Variants in PACRG observed in about 807,000 individuals in gnomAD.
The protein encoded by PACRG is parkin coregulated.
A neutral mutation model predicts 29.7 loss-of-function variants in PACRG; 29 were observed. The ratio of observed to expected loss-of-function variants is 0.98; its 90% CI spans 0.73 to 1.33. The LOEUF (loss-of-function observed/expected upper bound fraction) is 1.33, where lower values mean the gene tolerates loss of function less well. PACRG is among the 40% of genes most tolerant of loss of function. The probability of loss-of-function intolerance (pLI) is 0.00; values close to 1 mark genes in which losing one functional copy is unlikely to be tolerated. For missense variants in PACRG, 279 were observed against 316.2 expected (o/e 0.88, Z 0.89); for synonymous variants, 116 against 118.7 (o/e 0.98, Z 0.15).
intron 4 of PACRG, among the ~76,000 whole-genome samples, chr6:163,124,980 A>G (rs890631151): frequency 3.3e-5 from 5 of 152,334 alleles, no homozygotes; most frequent in African/African-American, 1.2e-4. Flanking sequence ...GAATTATAAG[A>G]GAGGAAAAAA....
intron 2 of PACRG, among the ~76,000 whole-genome samples, chr6:163,010,347 T>C (rs138468089): frequency 4.6e-5 from 7 of 152,332 alleles, no homozygotes; most frequent in African/African-American, 1.7e-4. Context: ...CCAGGGAGAA[T>C]TGAGGACGTC....
chr6:163,036,944 G>C (rs1209693210), intron 2 of PACRG, among the ~76,000 whole-genome samples: 1 of 151,866 alleles, frequency 6.6e-6, no homozygotes, highest in East Asian at 1.9e-4. Flanking sequence ...CAGACCCTGA[G>C]CCATGCTAAG....
intron 4 of PACRG, among the ~76,000 whole-genome samples, chr6:163,219,840 C>T (rs532121521): frequency 3.9e-5 from 6 of 152,160 alleles, no homozygotes; most frequent in South Asian, 2.1e-4. Context: ...TCGCTCAGCC[C>T]GGAGCATCCT....
chr6:163,197,045 A>G (rs1780488360), intron 4 of PACRG, among the ~76,000 whole-genome samples: 1 of 152,182 alleles, frequency 6.6e-6, no homozygotes, highest in South Asian at 2.1e-4. Context: ...GAGAAAACTG[A>G]AGCAGAAAAA....
chr6:163,038,804 A>G (rs1808433916), intron 2 of PACRG, among the ~76,000 whole-genome samples: 2 of 152,168 alleles, frequency 1.3e-5, no homozygotes, highest in Non-Finnish European at 2.9e-5. Flanking sequence ...AGAGGACAGG[A>G]AGGGCTCTCT....
At chr6:162,997,107 A>C (rs1804136859) in intron 2 of PACRG, among the ~76,000 whole-genome samples, 1 of 152,224 alleles carries the variant, frequency 6.6e-6, no homozygotes, top group Non-Finnish European at 1.5e-5. Context: ...CATAGTGTTT[A>C]AAATTGGTTT....
At chr6:163,083,418 A>T (rs1333388971) in intron 3 of PACRG, among the ~76,000 whole-genome samples, 1 of 152,152 alleles carries the variant, frequency 6.6e-6, no homozygotes, top group Non-Finnish European at 1.5e-5. Flanking sequence ...AGACCAAACC[A>T]ATGTACATCT....
At chr6:162,836,058 A>G (rs1789195122) in intron 2 of PACRG, among the ~76,000 whole-genome samples, 1 of 151,930 alleles carries the variant, frequency 6.6e-6, no homozygotes, top group Non-Finnish European at 1.5e-5. Flanking sequence ...TAAATCTTGA[A>G]TTCTGACATA....
intron 2 of PACRG, among the ~76,000 whole-genome samples, chr6:162,841,101 T>C (rs1211338197): frequency 4.9e-5 from 7 of 142,900 alleles, no homozygotes; most frequent in Admixed American, 2.1e-4. Context: ...AGAATGATGC[T>C]AGCCTCATAA....
At chr6:162,844,765 C>T (rs1413248207) in intron 2 of PACRG, among the ~76,000 whole-genome samples, 2 of 152,192 alleles carry the variant, frequency 1.3e-5, no homozygotes, top group East Asian at 3.8e-4. Context: ...GATCACAATC[C>T]TTCATTGTCT....
At chr6:162,883,772 TA>T (rs1460997698) in intron 2 of PACRG, among the ~76,000 whole-genome samples, 6 of 151,596 alleles carry the variant, frequency 4.0e-5, no homozygotes, top group African/African-American at 1.5e-4. Flanking sequence ...ATGCAGGGGT[TA>T]GGGGCACACA....
intron 4 of PACRG, among the ~76,000 whole-genome samples, chr6:163,230,252 T>C (rs1781970828): frequency 6.6e-6 from 1 of 152,250 alleles, no homozygotes; most frequent in African/African-American, 2.4e-5. Context: ...AATCTCTTCA[T>C]TGTAGCACAG....
intron 4 of PACRG, among the ~76,000 whole-genome samples, chr6:163,241,459 C>T (rs1002801876): frequency 6.6e-6 from 1 of 152,190 alleles, no homozygotes; most frequent in Admixed American, 6.5e-5. Context: ...ATCATCTGAC[C>T]TGGCCCTCTT....
intron 1 of PACRG, among the ~76,000 whole-genome samples, chr6:162,811,500 T>A (rs1042758976): frequency 2.0e-5 from 3 of 151,900 alleles, no homozygotes; most frequent in Non-Finnish European, 4.4e-5. Flanking sequence ...AATAGAAAAC[T>A]CCATATCAAA....
Position 163,081,679 on chromosome 6 carries a change from C to A in PACRG, c.464-7580C>A, listed in dbSNP as rs148263670. Among the ~76,000 whole-genome samples the A allele has an allele frequency of 1.6e-4, 24 of 152,144 alleles. No individual in the cohort carries two copies. The East Asian group carries it at 4.6e-3, about 29-fold the overall frequency. On this transcript the variant is annotated intron_variant, in intron 3 of 4. Coordinates refer to ENST00000366888, the MANE Select transcript of PACRG (RefSeq NM_001080379.2). ...GCTGAGGTGACAGGATCACTTAAGC[C>A]CAGGTGGATTAAGCTATAGTGGGCT...
chr6:163,178,451 G>A (rs1232204502), intron 4 of PACRG, among the ~76,000 whole-genome samples: 1 of 152,170 alleles, frequency 6.6e-6, no homozygotes, highest in Admixed American at 6.5e-5. Flanking sequence ...GGCTCCGGCA[G>A]CCACCTTTGG....
chr6:163,312,082 A>C (rs1280441394), intron 4 of PACRG, among the ~76,000 whole-genome samples: 8 of 152,184 alleles, frequency 5.3e-5, no homozygotes. Context: ...CAGCATCATC[A>C]TCAACTATCT....
intron 2 of PACRG, among the ~76,000 whole-genome samples, chr6:162,922,325 G>C (rs1441935534): frequency 6.7e-6 from 1 of 149,636 alleles, no homozygotes; most frequent in African/African-American, 2.5e-5. Flanking sequence ...TTCCTCAGGG[G>C]CTCCCCCTCC....
intron 4 of PACRG, among the ~76,000 whole-genome samples, chr6:163,220,237 G>T (rs752446494): frequency 1.1e-4 from 16 of 152,026 alleles, no homozygotes; most frequent in Non-Finnish European, 1.9e-4. Flanking sequence ...GGAAGGAAAG[G>T]GTGTGCTCCA....
Sources: allele counts gnomAD v4.1 joint callset (sites outside exome capture counted in the v4.1 genomes callset), GRCh38; gene constraint gnomAD v4.1.1; transcripts MANE v1.5; gene names NCBI Gene and HGNC (gene_info 2026-07-23, HGNC 2026-07-21).